TEX29: variants seen among roughly 807,000 people sequenced by gnomAD.
TEX29 encodes the protein testis expressed 29, also known as testis-expressed protein 29.
A neutral mutation model predicts 18.2 loss-of-function variants in TEX29; 26 were observed. The observed-to-expected ratio is 1.43, with a 90% CI of 1.04 to 1.98. The LOEUF is 1.98. Ranked by LOEUF, TEX29 falls within the 30% of genes most tolerant of loss-of-function variation. TEX29 has a pLI of 0.00. For synonymous variants in TEX29, 83 were observed against 78.5 expected (o/e 1.06, Z -0.31); for missense variants, 177 against 194.2 (o/e 0.91, Z 0.53).
chr13:111,317,340 G>T (rs1252314392), upstream of TEX29, among the ~76,000 whole-genome samples: 1 of 152,096 alleles, frequency 6.6e-6, no homozygotes, highest in Non-Finnish European at 1.5e-5. Flanking sequence ...AAGGATTTGG[G>T]TGTAAATGGA....
At chr13:111,342,668 G>C (rs1419557546) in intron 4 of TEX29, 88 bp from the exon 5 acceptor site, 1 of 1,311,474 alleles carries the variant, frequency 7.6e-7, no homozygotes, top group East Asian at 2.5e-5. Flanking sequence ...TGTGTTTTCA[G>C]AGGGATGTCC....
chr13:111,321,224 G>C (rs1254204020), intron 2 of TEX29, among the ~76,000 whole-genome samples: 4 of 152,206 alleles, frequency 2.6e-5, no homozygotes, highest in Non-Finnish European at 5.9e-5. Flanking sequence ...CAGGTCAAAG[G>C]CATTTTGTCC....
intron 3 of TEX29, among the ~76,000 whole-genome samples, chr13:111,330,066 G>C (rs2093680392): frequency 6.6e-6 from 1 of 152,132 alleles, no homozygotes; most frequent in Non-Finnish European, 1.5e-5. Flanking sequence ...TAAGACTAAG[G>C]AGAACAAAAG....
At chr13:111,329,369 A>G (rs1034915245) in intron 3 of TEX29, among the ~76,000 whole-genome samples, 2 of 151,940 alleles carry the variant, frequency 1.3e-5, no homozygotes, top group African/African-American at 4.8e-5. Flanking sequence ...ACCACCCCAA[A>G]GTGAGTAAAG....
rs565947318 is a variant in TEX29, at chr13:111,328,303, C to T, written c.169+10C>T. On this transcript the variant is annotated intron_variant, in intron 3 of 5. Coordinates refer to ENST00000283547, the MANE Select transcript of TEX29 (RefSeq NM_152324.3). Reference sequence around the variant, plus strand: ...AAGAAAGCGGTTCCCAGTGAGTAGACGCCCCGGCCACCCCGTGGCGGAAGC... The same window carrying T: ...AAGAAAGCGGTTCCCAGTGAGTAGATGCCCCGGCCACCCCGTGGCGGAAGC... 102 of 1,601,968 alleles carry T rather than the reference C, an allele frequency of 6.4e-5. No individual in the cohort carries two copies. Among genetic ancestry groups the T allele is most frequent in the Admixed American group, 5.2e-4 (31 of 60,008 alleles).
chr13:111,325,197 C>T (rs1378621727), intron 2 of TEX29, among the ~76,000 whole-genome samples: 1 of 152,218 alleles, frequency 6.6e-6, no homozygotes, highest in African/African-American at 2.4e-5. Flanking sequence ...GGTTGCCCCG[C>T]CATCCTGAGG....
intron 2 of TEX29, among the ~76,000 whole-genome samples, chr13:111,326,413 G>A (rs1225966748): frequency 2.7e-5 from 4 of 150,914 alleles, no homozygotes; most frequent in Non-Finnish European, 5.9e-5. Flanking sequence ...GTGGGGTGGA[G>A]GAGACGGTGG....
chr13:111,339,135 C>A (rs1024287854), intron 3 of TEX29, among the ~76,000 whole-genome samples: 1 of 152,156 alleles, frequency 6.6e-6, no homozygotes, highest in Admixed American at 6.5e-5. Context: ...CCCAGGGTGG[C>A]GGGGCTGCCC....
At chr13:111,342,616 A>G (rs1815041800) in intron 4 of TEX29, 140 bp from the exon 5 acceptor site, 1 of 758,288 alleles carries the variant, frequency 1.3e-6, no homozygotes, top group South Asian at 2.1e-5. Context: ...CTATTACATC[A>G]AAGCATTTAC....
chr13:111,324,234 T>C (rs1555752), intron 2 of TEX29, among the ~76,000 whole-genome samples: 78,980 of 152,072 alleles, frequency 0.52, 21,447 homozygotes, highest in East Asian at 0.89. Flanking sequence ...TGTCTGTGGT[T>C]GGGTCTTGCT....
intron 3 of TEX29, among the ~76,000 whole-genome samples, chr13:111,335,788 G>C (rs1375584494): frequency 1.3e-5 from 2 of 152,198 alleles, no homozygotes; most frequent in Non-Finnish European, 2.9e-5. Context: ...CAATGAAGCA[G>C]AGATCCAACC....
intron 3 of TEX29, among the ~76,000 whole-genome samples, chr13:111,336,157 C>G (rs1280862785): frequency 2.6e-5 from 4 of 152,170 alleles, no homozygotes; most frequent in Non-Finnish European, 5.9e-5. Flanking sequence ...TGGAAGCAAC[C>G]ATTAAGTTCT....
At chr13:111,328,138 CT>C in intron 2 of TEX29, 44 bp from the exon 3 acceptor site, 1 of 1,323,974 alleles carries the variant, frequency 7.6e-7, no homozygotes, top group East Asian at 2.3e-5. Flanking sequence ...AGCAGAGTGG[CT>C]TTGTTTTCGG....
chr13:111,323,894 C>T (rs1442723704), intron 2 of TEX29, among the ~76,000 whole-genome samples: 1 of 152,260 alleles, frequency 6.6e-6, no homozygotes, highest in Non-Finnish European at 1.5e-5. Context: ...CTTCCGTGTT[C>T]TGATGCTCAA....
At chr13:111,316,958 C>T (rs747710876), upstream of TEX29, among the ~76,000 whole-genome samples, 44 of 151,294 alleles carry the variant, frequency 2.9e-4, no homozygotes, top group Non-Finnish European at 4.9e-4. Context: ...AAACCATCAG[C>T]TGTATCATGA....
chr13:111,328,057 G>T (rs2153641522), intron 2 of TEX29, 126 bp from the exon 3 acceptor site: 1 of 620,038 alleles, frequency 1.6e-6, no homozygotes, highest in Admixed American at 2.9e-5. Context: ...ATGCGTAATT[G>T]AGAAAATAAC....
intron 3 of TEX29, among the ~76,000 whole-genome samples, chr13:111,334,454 G>C (rs2093686857): frequency 6.6e-6 from 1 of 152,232 alleles, no homozygotes; most frequent in Non-Finnish European, 1.5e-5. Flanking sequence ...AATATTTCTA[G>C]CTCTGCCTTA....
At chr13:111,322,773 G>C (rs2093666859) in intron 2 of TEX29, among the ~76,000 whole-genome samples, 1 of 152,202 alleles carries the variant, frequency 6.6e-6, no homozygotes, top group Admixed American at 6.5e-5. Context: ...TGCACACTGT[G>C]GCGTGGCTGT....
At chr13:111,324,628 A>G (rs2093669756) in intron 2 of TEX29, among the ~76,000 whole-genome samples, 1 of 152,030 alleles carries the variant, frequency 6.6e-6, no homozygotes, top group Admixed American at 6.5e-5. Flanking sequence ...AGAGAGGGCA[A>G]GGGAGGTGGA....
Sources: allele counts gnomAD v4.1 joint callset (sites outside exome capture counted in the v4.1 genomes callset), GRCh38; gene constraint gnomAD v4.1.1; transcripts MANE v1.5; gene names NCBI Gene and HGNC (gene_info 2026-07-23, HGNC 2026-07-21).